Variants in ZSWIM6 observed in about 807,000 individuals in gnomAD.
ZSWIM6 encodes the protein zinc finger SWIM-type containing 6.
ZSWIM6 carries 9 observed loss-of-function variants against 113.2 expected under a neutral mutation model. That is an observed-to-expected ratio of 0.08 (90% CI 0.05 to 0.14). The LOEUF is 0.14. ZSWIM6 is among the 10% of genes least tolerant of loss of function. The pLI is 1.00. For synonymous variants in ZSWIM6, 611 were observed against 606.5 expected, an observed-to-expected ratio of 1.01 and a Z score of -0.11; for missense variants, 1,162 against 1,552.2, an observed-to-expected ratio of 0.75 and a Z score of 4.22.
chr5:61,361,750 A>G (rs944964811), intron 1 of ZSWIM6, among the ~76,000 whole-genome samples: 2 of 152,242 alleles, frequency 1.3e-5, no homozygotes, highest in Non-Finnish European at 2.9e-5. Context: ...CAGTCTAAAC[A>G]AAAGGCAACC....
intron 1 of ZSWIM6, among the ~76,000 whole-genome samples, chr5:61,450,739 A>G (rs1235366900): frequency 1.3e-5 from 2 of 152,162 alleles, no homozygotes; most frequent in African/African-American, 4.8e-5. Flanking sequence ...TACCACTCTT[A>G]CCCTCATGAA....
At chr5:61,508,175 A>G (rs1181112400) in intron 4 of ZSWIM6, among the ~76,000 whole-genome samples, 1 of 152,202 alleles carries the variant, frequency 6.6e-6, no homozygotes, top group Non-Finnish European at 1.5e-5. Flanking sequence ...CATTCAATAA[A>G]TGGCAGCAAT....
At chr5:61,361,657 C>A (rs1745034001) in intron 1 of ZSWIM6, among the ~76,000 whole-genome samples, 1 of 152,186 alleles carries the variant, frequency 6.6e-6, no homozygotes, top group Non-Finnish European at 1.5e-5. Flanking sequence ...ACCCCCCTTA[C>A]CTCCAACTGA....
chr5:61,538,934 G>A lies in ZSWIM6; in HGVS notation c.2502G>A (p.Gln834=), dbSNP rs1457943616. The change falls in exon 11 of 14, where the codon CAG becomes CAA. Residue 834 remains glutamine (Q), a synonymous_variant. Coordinates refer to ENST00000252744, the MANE Select transcript of ZSWIM6 (RefSeq NM_020928.2). ...CTCTAAGCCACATTGAGTCCCAGCA[G>A]TGTGAGCTGGCATCCACCATGCTAA... ...WFTLSHIESQ[Q]CELASTMLTA... is the part of the protein sequence containing the mutation. The A allele has an allele frequency of 1.9e-6, 3 of 1,551,996 alleles. No homozygotes were observed. The highest frequency in any genetic ancestry group is 2.7e-5 in the African/African-American group (2 of 73,054).
chr5:61,476,862 C>T (rs183361593), intron 2 of ZSWIM6, among the ~76,000 whole-genome samples: 2 of 152,246 alleles, frequency 1.3e-5, no homozygotes, highest in East Asian at 1.9e-4. Context: ...AATATTGTCT[C>T]CACTACATAT....
At chr5:61,424,628 C>CA (rs541502448) in intron 1 of ZSWIM6, among the ~76,000 whole-genome samples, 158 of 152,200 alleles carry the variant, frequency 1.0e-3, no homozygotes, top group African/African-American at 3.6e-3. Flanking sequence ...GCTCTGGTGC[C>CA]AGTAGCCCAC....
chr5:61,499,067 T>C (rs1410174788), intron 4 of ZSWIM6, among the ~76,000 whole-genome samples: 2 of 152,186 alleles, frequency 1.3e-5, no homozygotes, highest in East Asian at 1.9e-4. Context: ...CTGCTTCTTT[T>C]TGAGAACTGG....
At chr5:61,484,806 T>A (rs1322215116) in intron 2 of ZSWIM6, among the ~76,000 whole-genome samples, 1 of 152,168 alleles carries the variant, frequency 6.6e-6, no homozygotes. Context: ...CCTGATGACC[T>A]CGGGGCTCAA....
At chr5:61,432,410 G>A (rs1188021705) in intron 1 of ZSWIM6, among the ~76,000 whole-genome samples, 6 of 152,190 alleles carry the variant, frequency 3.9e-5, no homozygotes, top group Non-Finnish European at 7.3e-5. Context: ...TTGTTACATA[G>A]CTTCATCTTG....
intron 1 of ZSWIM6, among the ~76,000 whole-genome samples, chr5:61,412,498 A>G (rs1746166384): frequency 6.6e-6 from 1 of 152,220 alleles, no homozygotes; most frequent in Non-Finnish European, 1.5e-5. Flanking sequence ...GGCAGCTGGC[A>G]GCACATTTGT....
chr5:61,544,004 C>T lies in ZSWIM6; in HGVS notation c.3335C>T (p.Thr1112Ile). ...CTGTCAGACATTTTGCGCAGATGCA[C>T]TCTGACCACTCCTGGCATGGTGGGA... ...TVLSDILRRC[T>I]LTTPGMVGLH... Residue 1112 changes from threonine to isoleucine, a missense_variant, in exon 14 of 14, where the codon ACT becomes ATT. Physicochemically the swap from Thr to Ile is moderately conservative, Grantham distance 89. Coordinates refer to ENST00000252744, the MANE Select transcript of ZSWIM6 (RefSeq NM_020928.2). The T allele has an allele frequency of 1.9e-6, 3 of 1,551,954 alleles. No homozygotes were observed. The highest frequency in any genetic ancestry group is 2.6e-6 in the Non-Finnish European group (3 of 1,147,050).
chr5:61,380,511 C>T lies in ZSWIM6; in HGVS notation c.676+47563C>T, dbSNP rs189430607. 2.6e-5 allele frequency among the ~76,000 whole-genome samples: 4 copies of T among 152,278 alleles called. No individual in the cohort carries two copies. The East Asian group carries it at 7.7e-4, about 29-fold the overall frequency. On this transcript the variant is annotated intron_variant, in intron 1 of 13. Transcript: ENST00000252744. Reference sequence around the variant, plus strand: ...TAGTATCCACTCATAGTTTTTAGGACTTCAAAATCTGAGTGTATTGGGTAT... The same window carrying T: ...TAGTATCCACTCATAGTTTTTAGGATTTCAAAATCTGAGTGTATTGGGTAT...
intron 1 of ZSWIM6, among the ~76,000 whole-genome samples, chr5:61,383,822 C>T (rs1413386443): frequency 6.6e-6 from 1 of 150,894 alleles, no homozygotes; most frequent in Non-Finnish European, 1.5e-5. Context: ...GCTGGGATTA[C>T]AGGGATGAGC....
chr5:61,532,675 A>G (rs1442463370), intron 9 of ZSWIM6, among the ~76,000 whole-genome samples: 1 of 152,216 alleles, frequency 6.6e-6, no homozygotes, highest in Non-Finnish European at 1.5e-5. Context: ...TTAGAAATGC[A>G]TTTTAAAGGG....
intron 1 of ZSWIM6, chr5:61,391,748 G>A: frequency 2.7e-6 from 3 of 1,108,838 alleles, no homozygotes; most frequent in Non-Finnish European, 4.1e-6. Context: ...GCTGTGAGGT[G>A]GACCAGCTTG....
At position 61,539,621 on chromosome 5, in the gene ZSWIM6, A is replaced by T. The variant is rs1176831545; in HGVS notation, c.2565A>T (p.Val855=). 6.4e-7 allele frequency: 1 copy of T among 1,551,904 alleles called. No individual in the cohort carries two copies. Among genetic ancestry groups the T allele is most frequent in the Admixed American group, 2.0e-5 (1 of 50,996 alleles). Residue 855 remains valine (V), a synonymous_variant, in exon 12 of 14, where the codon GTA becomes GTT. Coordinates refer to ENST00000252744, the MANE Select transcript of ZSWIM6 (RefSeq NM_020928.2). ...AKGDVRRLET[V]LESIQKNIHS... Reference sequence around the variant, plus strand: ...GCGATGTTCGGAGGCTGGAAACAGTATTAGAATCCATCCAGAAAAACATTC... The same window carrying T: ...GCGATGTTCGGAGGCTGGAAACAGTTTTAGAATCCATCCAGAAAAACATTC...
chr5:61,368,229 A>G (rs1745200017), intron 1 of ZSWIM6, among the ~76,000 whole-genome samples: 1 of 152,158 alleles, frequency 6.6e-6, no homozygotes, highest in Non-Finnish European at 1.5e-5. Flanking sequence ...AGAACTCAAA[A>G]CATGTTAGCT....
In ZSWIM6 at chr5:61,512,632, T is replaced by G. The variant is rs1253538013; in HGVS notation, c.1334-8631T>G. On this transcript the variant is annotated intron_variant, in intron 4 of 13. Transcript: ENST00000252744. ...GCTCCACATCCTTGCCTGCAGTTGC[T>G]GTCAGGTTAAAAATTTTTTTTATAA... 2.6e-5 allele frequency among the ~76,000 whole-genome samples: 4 copies of G among 152,146 alleles called. No homozygotes were observed. In the East Asian group the frequency reaches 7.7e-4, roughly 29 times the overall value.
intron 4 of ZSWIM6, among the ~76,000 whole-genome samples, chr5:61,503,588 T>G (rs1748530208): frequency 6.6e-6 from 1 of 152,070 alleles, no homozygotes; most frequent in African/African-American, 2.4e-5. Flanking sequence ...GGGTCAAATA[T>G]AAGCTTGGAA....
Sources: allele counts gnomAD v4.1 joint callset (sites outside exome capture counted in the v4.1 genomes callset), GRCh38; gene constraint gnomAD v4.1.1; transcripts MANE v1.5; gene names NCBI Gene and HGNC (gene_info 2026-07-23, HGNC 2026-07-21).